Variants in PHYHIPL observed in about 807,000 individuals in gnomAD.
PHYHIPL encodes the protein phytanoyl-CoA hydroxylase-interacting protein-like.
A neutral mutation model predicts 33.4 loss-of-function variants in PHYHIPL; 9 were observed. That is an observed-to-expected ratio of 0.27 (90% CI 0.16 to 0.47). The LOEUF (loss-of-function observed/expected upper bound fraction) is 0.47, where lower values mean the gene tolerates loss of function less well. Ranked by LOEUF, PHYHIPL falls within the 20% of genes least tolerant of loss-of-function variation. PHYHIPL has a pLI of 0.99. For missense variants in PHYHIPL, 365 were observed against 460.7 expected, an observed-to-expected ratio of 0.79 and a Z score of 1.90; for synonymous variants, 153 against 154.1, an observed-to-expected ratio of 0.99 and a Z score of 0.05.
chr10:59,206,533 C>G (rs149198807), intron 1 of PHYHIPL, among the ~76,000 whole-genome samples: 137 of 152,288 alleles, frequency 9.0e-4, no homozygotes, highest in African/African-American at 3.0e-3. Flanking sequence ...GCTAGAAATT[C>G]TGGAAATTCT....
intron 1 of PHYHIPL, chr10:59,206,801 C>A: frequency 8.1e-7 from 1 of 1,233,676 alleles, no homozygotes; most frequent in South Asian, 1.4e-5. Context: ...AGGATAAAAG[C>A]ACCATTGGTT....
intron 1 of PHYHIPL, among the ~76,000 whole-genome samples, chr10:59,226,602 A>T (rs1386726804): frequency 6.6e-6 from 1 of 152,164 alleles, no homozygotes; most frequent in African/African-American, 2.4e-5. Context: ...GTGTTGGCAG[A>T]GGTGTCCTAT....
Position 59,245,050 on chromosome 10 carries a change from C to T in PHYHIPL, c.597-7C>T, listed in dbSNP as rs1277620083. ...ATTAAGCAGTGACCACTTGTTTTCT[C>T]TTGCAGAGAACATCATGGGAATGCT... On this transcript the variant is annotated splice_polypyrimidine_tract_variant and splice_region_variant and intron_variant, in intron 4 of 4. Coordinates refer to ENST00000373880, the MANE Select transcript of PHYHIPL (RefSeq NM_032439.4). 8 of 1,596,718 alleles carry T rather than the reference C, an allele frequency of 5.0e-6. No homozygotes were observed. The highest frequency in any genetic ancestry group is 1.3e-5 in the African/African-American group (1 of 74,146).
intron 1 of PHYHIPL, among the ~76,000 whole-genome samples, chr10:59,203,097 G>C (rs1839173841): frequency 6.6e-6 from 1 of 152,222 alleles, no homozygotes; most frequent in East Asian, 1.9e-4. Flanking sequence ...CCATCAGAAG[G>C]TGGGCAATGG....
intron 1 of PHYHIPL, among the ~76,000 whole-genome samples, chr10:59,197,923 T>G (rs1165635660): frequency 6.6e-6 from 1 of 152,306 alleles, no homozygotes; most frequent in East Asian, 1.9e-4. Context: ...TATTGCCAGC[T>G]ACTCAGGGTT....
upstream of PHYHIPL, among the ~76,000 whole-genome samples, chr10:59,176,275 TCC>T (rs575081368): frequency 2.6e-4 from 40 of 152,136 alleles, no homozygotes; most frequent in African/African-American, 8.9e-4. Flanking sequence ...CGCCCTCGCC[TCC>T]CCGTGCAGAC....
chr10:59,240,627 A>G (rs531670996), intron 4 of PHYHIPL, among the ~76,000 whole-genome samples: 1 of 152,154 alleles, frequency 6.6e-6, no homozygotes, highest in Non-Finnish European at 1.5e-5. Flanking sequence ...GACTGTCTGT[A>G]TTTGTTACGC....
chr10:59,180,257 TACAC>T (rs140480148), intron 1 of PHYHIPL, among the ~76,000 whole-genome samples: 9 of 118,960 alleles, frequency 7.6e-5, no homozygotes, highest in African/African-American at 2.3e-4. Flanking sequence ...ATCATATATA[TACAC>T]ACACACACAC....
intron 3 of PHYHIPL, among the ~76,000 whole-genome samples, chr10:59,237,639 C>G (rs1840264693): frequency 6.6e-6 from 1 of 151,846 alleles, no homozygotes; most frequent in Admixed American, 6.6e-5. Flanking sequence ...TCATTCAAAA[C>G]TAATTAAGCC....
chr10:59,177,551 T>C lies in PHYHIPL; in HGVS notation c.106+592T>C, dbSNP rs764157194. The C allele has an allele frequency of 7.7e-6, 12 of 1,551,632 alleles. 1 individual carries two copies. The highest frequency in any genetic ancestry group is 5.9e-5 in the South Asian group (5 of 84,064). The stretch of plus-strand genomic sequence containing the variant: ...GGACAGACACAATCTTCATGGTTCC[T>C]GGGCTCTGAGTCAGACTGTCGAAAA... On this transcript the variant is annotated intron_variant, in intron 1 of 4. Coordinates refer to ENST00000373880, the MANE Select transcript of PHYHIPL (RefSeq NM_032439.4).
chr10:59,223,941 T>C (rs1403816756), intron 1 of PHYHIPL, among the ~76,000 whole-genome samples: 3 of 152,230 alleles, frequency 2.0e-5, no homozygotes, highest in Admixed American at 2.0e-4. Flanking sequence ...ATTACAGGCA[T>C]GATCCACTGC....
At chr10:59,198,199 C>T (rs979063992) in intron 1 of PHYHIPL, among the ~76,000 whole-genome samples, 6 of 152,038 alleles carry the variant, frequency 3.9e-5, no homozygotes, top group Admixed American at 1.3e-4. Flanking sequence ...GCTATCCCTC[C>T]CCCCTACCCC....
chr10:59,211,895 G>A (rs1839459115), intron 1 of PHYHIPL, among the ~76,000 whole-genome samples: 2 of 152,118 alleles, frequency 1.3e-5, no homozygotes, highest in Admixed American at 1.3e-4. Context: ...GAGAAGGAAT[G>A]CAATGGTTTG....
intron 1 of PHYHIPL, 61 bp downstream of exon 1, chr10:59,177,020 T>C: frequency 6.8e-7 from 1 of 1,460,764 alleles, no homozygotes; most frequent in Non-Finnish European, 9.5e-7. Flanking sequence ...CCGGGGCCAC[T>C]CTGGCTCCGC....
At chr10:59,196,677 C>T (rs900683437) in intron 1 of PHYHIPL, among the ~76,000 whole-genome samples, 1 of 151,996 alleles carries the variant, frequency 6.6e-6, no homozygotes, top group Non-Finnish European at 1.5e-5. Context: ...CTTGGCCTCC[C>T]AAAGTGTGGT....
At chr10:59,175,867 C>T (rs1028579982), upstream of PHYHIPL, among the ~76,000 whole-genome samples, 1 of 152,226 alleles carries the variant, frequency 6.6e-6, no homozygotes, top group South Asian at 2.1e-4. Context: ...TTGCTACGCG[C>T]ATGAATGAAT....
chr10:59,227,483 T>C (rs1839957298), intron 1 of PHYHIPL, among the ~76,000 whole-genome samples: 1 of 152,290 alleles, frequency 6.6e-6, no homozygotes, highest in Non-Finnish European at 1.5e-5. Flanking sequence ...CACTTCCCAA[T>C]GCTGCCACCT....
At chr10:59,198,075 T>G (rs901262983) in intron 1 of PHYHIPL, among the ~76,000 whole-genome samples, 2 of 152,148 alleles carry the variant, frequency 1.3e-5, no homozygotes, top group Non-Finnish European at 2.9e-5. Flanking sequence ...TTATTATACT[T>G]TAAGTTCTAG....
chr10:59,216,569 A>G (rs754394128), intron 1 of PHYHIPL, among the ~76,000 whole-genome samples: 1 of 152,094 alleles, frequency 6.6e-6, no homozygotes, highest in Non-Finnish European at 1.5e-5. Context: ...TCCAGTGTCA[A>G]GGTGCCATAC....
Sources: gnomAD v4.1 joint callset for allele counts (sites outside exome capture counted in the v4.1 genomes callset) on GRCh38, gnomAD v4.1.1 for gene constraint, MANE v1.5 for transcripts, NCBI Gene and HGNC (gene_info 2026-07-23, HGNC 2026-07-21) for gene names.